Variants in CDKAL1 observed in about 807,000 individuals in gnomAD.
The protein encoded by CDKAL1 is CDKAL1 threonylcarbamoyladenosine tRNA methylthiotransferase, also known as threonylcarbamoyladenosine tRNA methylthiotransferase.
A neutral mutation model predicts 68.2 loss-of-function variants in CDKAL1; 32 were observed. The ratio of observed to expected loss-of-function variants is 0.47; its 90% CI spans 0.35 to 0.63. CDKAL1 has a LOEUF of 0.63. CDKAL1 is among the 30% of genes least tolerant of loss of function. The pLI is 0.00. For synonymous variants in CDKAL1, 234 were observed against 244.3 expected, an observed-to-expected ratio of 0.96 and a Z score of 0.39; for missense variants, 606 against 696.7, an observed-to-expected ratio of 0.87 and a Z score of 1.47.
chr6:20,669,965 A>G (rs1370732372), intron 5 of CDKAL1, among the ~76,000 whole-genome samples: 1 of 147,602 alleles, frequency 6.8e-6, no homozygotes, highest in East Asian at 1.9e-4. Context: ...TTATCTGTAT[A>G]TGTATTAAAA....
intron 8 of CDKAL1, among the ~76,000 whole-genome samples, chr6:20,799,503 G>GAAA (rs1776278905): frequency 9.8e-6 from 1 of 102,072 alleles, no homozygotes; most frequent in South Asian, 3.3e-4. Context: ...TAATAAATAA[G>GAAA]AATTTTTAAA....
intron 4 of CDKAL1, among the ~76,000 whole-genome samples, chr6:20,589,248 CA>C (rs1034473857): frequency 6.6e-6 from 1 of 152,012 alleles, no homozygotes. Flanking sequence ...ATACTAATGA[CA>C]AAAAAATACT....
intron 9 of CDKAL1, among the ~76,000 whole-genome samples, chr6:20,865,336 C>T (rs1759851358): frequency 6.6e-6 from 1 of 152,144 alleles, no homozygotes; most frequent in Non-Finnish European, 1.5e-5. Flanking sequence ...CAGTTTGGAT[C>T]ATTTTGAGAG....
intron 4 of CDKAL1, among the ~76,000 whole-genome samples, chr6:20,624,663 TGAC>T: frequency 6.6e-6 from 1 of 152,110 alleles, no homozygotes; most frequent in East Asian, 1.9e-4. Flanking sequence ...TTTTTACAAT[TGAC>T]GAGAGTAGTG....
chr6:21,051,360 T>C (rs1770526733), intron 11 of CDKAL1, among the ~76,000 whole-genome samples: 1 of 152,068 alleles, frequency 6.6e-6, no homozygotes, highest in Admixed American at 6.6e-5. Context: ...GGTGACAGAG[T>C]GAGACCATGT....
intron 15 of CDKAL1, among the ~76,000 whole-genome samples, chr6:21,218,727 C>CAG (rs142574447): frequency 6.1e-4 from 92 of 151,100 alleles, no homozygotes; most frequent in African/African-American, 1.9e-3. Context: ...AGCAAGCAAG[C>CAG]AGAGAGAGAG....
intron 12 of CDKAL1, among the ~76,000 whole-genome samples, chr6:21,082,755 G>A (rs183789944): frequency 1.1e-3 from 161 of 152,056 alleles, no homozygotes; most frequent in African/African-American, 3.5e-3. Flanking sequence ...AGATGATTGA[G>A]ACCAGAAGTT....
intron 5 of CDKAL1, among the ~76,000 whole-genome samples, chr6:20,661,719 G>A (rs1435509729): frequency 1.3e-5 from 2 of 152,130 alleles, no homozygotes; most frequent in Non-Finnish European, 2.9e-5. Context: ...ACTGAGTTTT[G>A]TAGATATCCA....
chr6:20,861,402 G>C (rs1759622981), intron 9 of CDKAL1, among the ~76,000 whole-genome samples: 1 of 152,196 alleles, frequency 6.6e-6, no homozygotes, highest in Non-Finnish European at 1.5e-5. Flanking sequence ...TGTGTGCCAT[G>C]GGCAAAGCCC....
Position 21,139,977 on chromosome 6 carries a change from C to T in CDKAL1, c.1299+31514C>T, listed in dbSNP as rs150676771. The stretch of plus-strand genomic sequence containing the variant: ...CCTAATAAGGGAAAGACTGCAAAAA[C>T]GCACAGATAATTGTTGATAATCTCA... On this transcript the variant is annotated intron_variant, in intron 13 of 15. Coordinates refer to ENST00000274695, the MANE Select transcript of CDKAL1 (RefSeq NM_017774.3). Among the ~76,000 whole-genome samples the T allele has an allele frequency of 6.8e-3, 1,028 of 152,260 alleles. 14 individuals carry two copies. Among genetic ancestry groups the T allele is most frequent in the African/African-American group, 0.023 (970 of 41,548 alleles).
At chr6:20,874,290 T>A (rs1294729576) in intron 9 of CDKAL1, among the ~76,000 whole-genome samples, 1 of 128,850 alleles carries the variant, frequency 7.8e-6, no homozygotes, top group Non-Finnish European at 1.6e-5. Context: ...AAATAGCAAG[T>A]TTTTTTGTTT....
At chr6:21,185,409 T>A (rs913092109) in intron 13 of CDKAL1, among the ~76,000 whole-genome samples, 1 of 152,210 alleles carries the variant, frequency 6.6e-6, no homozygotes, top group Non-Finnish European at 1.5e-5. Flanking sequence ...AAAGCTTTTA[T>A]CTTTGTTAGT....
chr6:20,835,501 CTTGTCTTGTCTTGTCTTGTCTT>C (rs1040599069), intron 8 of CDKAL1, among the ~76,000 whole-genome samples: 3 of 151,160 alleles, frequency 2.0e-5, no homozygotes, highest in South Asian at 2.1e-4. Flanking sequence ...CTTGTCTTGT[CTTGTCTTGTCTTGTCTTGTCTT>C]TTGTCTTGTC....
At chr6:20,701,914 G>C (rs906089729) in intron 5 of CDKAL1, among the ~76,000 whole-genome samples, 2 of 152,172 alleles carry the variant, frequency 1.3e-5, no homozygotes, top group African/African-American at 4.8e-5. Context: ...ATTTTTAAAG[G>C]TCTGGGCAGA....
intron 12 of CDKAL1, among the ~76,000 whole-genome samples, chr6:21,070,352 G>C (rs1158927875): frequency 7.0e-6 from 1 of 141,930 alleles, no homozygotes; most frequent in African/African-American, 2.6e-5. Context: ...TTTTTTGTTT[G>C]TTTATTTGGT....
chr6:20,771,665 T>A (rs1465662417), intron 7 of CDKAL1, among the ~76,000 whole-genome samples: 1 of 152,160 alleles, frequency 6.6e-6, no homozygotes, highest in Non-Finnish European at 1.5e-5. Flanking sequence ...GGGAGGTATT[T>A]GGGTCATGGG....
intron 7 of CDKAL1, among the ~76,000 whole-genome samples, chr6:20,779,615 C>T (rs1775325489): frequency 1.3e-5 from 2 of 152,208 alleles, no homozygotes; most frequent in South Asian, 2.1e-4. Context: ...GACGGAGTCT[C>T]GCTGTGTCAC....
chr6:20,913,294 T>C (rs924445990), intron 9 of CDKAL1, among the ~76,000 whole-genome samples: 7 of 152,156 alleles, frequency 4.6e-5, no homozygotes, highest in Non-Finnish European at 7.4e-5. Context: ...AAGACTCACA[T>C]GGGGCAGGAT....
intron 14 of CDKAL1, 119 bp downstream of exon 14, chr6:21,198,223 C>T (rs1254330127): frequency 3.2e-6 from 2 of 626,878 alleles, no homozygotes; most frequent in South Asian, 2.3e-5. Context: ...GCTGTTTTAT[C>T]GCTTCAAGCC....
Sources: gnomAD v4.1 joint callset for allele counts (sites outside exome capture counted in the v4.1 genomes callset) on GRCh38, gnomAD v4.1.1 for gene constraint, MANE v1.5 for transcripts, NCBI Gene and HGNC (gene_info 2026-07-23, HGNC 2026-07-21) for gene names.